Variants in PPP3CC observed in about 807,000 individuals in gnomAD.
PPP3CC encodes protein phosphatase 3 catalytic subunit gamma.
Under a neutral mutation model 60.3 loss-of-function variants are expected in PPP3CC, and 35 were observed. That is an observed-to-expected ratio of 0.58 (90% CI 0.44 to 0.77). The LOEUF is 0.77. Ranked by LOEUF, PPP3CC falls within the 30% of genes least tolerant of loss-of-function variation. The pLI is 0.00. For missense variants in PPP3CC, 570 were observed against 628.9 expected (o/e 0.91, Z 1.00); for synonymous variants, 206 against 224.3 (o/e 0.92, Z 0.73).
rs574068206 is a variant in PPP3CC, at chr8:22,511,559, C to T, written c.630+328C>T. Among the ~76,000 whole-genome samples the T allele has an allele frequency of 5.3e-5, 8 of 152,180 alleles. No individual in the cohort carries two copies. The East Asian group carries it at 5.8e-4, about 11-fold the overall frequency. ...TGCTGGGATTACAGGTGTGAGCCAC[C>T]GCACGCCTGGCCTAAAATTTGTTTC... On this transcript the variant is annotated intron_variant, in intron 5 of 13. Transcript: ENST00000240139.
At chr8:22,511,007 C>A in intron 4 of PPP3CC, 79 bp from the exon 5 acceptor site, 1 of 1,419,794 alleles carries the variant, frequency 7.0e-7, no homozygotes, top group Non-Finnish European at 9.7e-7. Context: ...AAAGTAGCTT[C>A]ATATTCTCCT....
Position 22,441,296 on chromosome 8 carries a change from G to T in PPP3CC, c.-114G>T. 9.4e-7 allele frequency: 1 copy of T among 1,066,268 alleles called. No individual in the cohort carries two copies. The highest frequency in any genetic ancestry group is 1.3e-6 in the Non-Finnish European group (1 of 779,552). 66.1% of individuals were successfully genotyped at this position (1,066,268 alleles called of 1,614,324 possible). A position where few individuals can be genotyped will look rare whatever the true frequency, so the allele number is the denominator to read the frequency against. On this transcript the variant is annotated 5_prime_UTR_variant, in exon 1 of 14. Coordinates refer to ENST00000240139, the MANE Select transcript of PPP3CC (RefSeq NM_005605.5). ...GGACACCGCTGAGGAGCCGGGGCCG[G>T]GCACGGCTGGCTGACGGCTCCGGGC...
chr8:22,472,391 C>CACACACAT (rs1401882217), intron 1 of PPP3CC, among the ~76,000 whole-genome samples: 1 of 150,782 alleles, frequency 6.6e-6, no homozygotes, highest in Non-Finnish European at 1.5e-5. Flanking sequence ...CACACACACA[C>CACACACAT]ACACACACAC....
Position 22,441,237 on chromosome 8 carries a change from C to A in PPP3CC, c.-173C>A. ...CTCGTCCTGTCAGTGGCGTCGGAGGCCGGCGCTGCGGTGGCCGCGCCCTTC... is the reference window on the plus strand; with the variant it reads ...CTCGTCCTGTCAGTGGCGTCGGAGGACGGCGCTGCGGTGGCCGCGCCCTTC... On this transcript the variant is annotated 5_prime_UTR_variant, in exon 1 of 14. Transcript: ENST00000240139. 1 of 520,214 alleles carries A rather than the reference C, an allele frequency of 1.9e-6. No individual in the cohort carries two copies. The highest frequency in any genetic ancestry group is 3.2e-6 in the Non-Finnish European group (1 of 313,180). The allele number at this position is 520,214 out of a possible 1,614,324, so 32.2% of individuals were successfully genotyped here. A position where few individuals can be genotyped will look rare whatever the true frequency, so the allele number is the denominator to read the frequency against.
chr8:22,447,696 G>A lies in PPP3CC; in HGVS notation c.49+6238G>A, dbSNP rs1325782761. On this transcript the variant is annotated intron_variant, in intron 1 of 13. Transcript: ENST00000240139. The stretch of plus-strand genomic sequence containing the variant: ...CTAAAACTTTCAACCTAACCTAAGT[G>A]GTATCTTTCTTAGTTACCCTTATAT... Among the ~76,000 whole-genome samples, 5 of 152,200 alleles carry A rather than the reference G, an allele frequency of 3.3e-5. No individual in the cohort carries two copies. The East Asian group carries it at 7.7e-4, about 24-fold the overall frequency.
intron 13 of PPP3CC, among the ~76,000 whole-genome samples, chr8:22,539,732 C>G (rs1425579578): frequency 6.6e-6 from 1 of 152,194 alleles, no homozygotes; most frequent in African/African-American, 2.4e-5. Context: ...GCTCTATCAG[C>G]TTTAATGCAA....
At chr8:22,447,629 AATGTTAAAAT>A (rs1250621061) in intron 1 of PPP3CC, among the ~76,000 whole-genome samples, 1 of 152,086 alleles carries the variant, frequency 6.6e-6, no homozygotes. Flanking sequence ...TTATAGTCTT[AATGTTAAAAT>A]TTAGCAGCAT....
chr8:22,521,705 ATAAAC>A (rs1181992109), intron 6 of PPP3CC, among the ~76,000 whole-genome samples: 2 of 152,228 alleles, frequency 1.3e-5, no homozygotes, highest in Non-Finnish European at 1.5e-5. Flanking sequence ...GATTTTAAAA[ATAAAC>A]TAAATAATTA....
chr8:22,536,195 C>T (rs1028005292), intron 12 of PPP3CC, among the ~76,000 whole-genome samples: 2 of 152,082 alleles, frequency 1.3e-5, no homozygotes, highest in South Asian at 2.1e-4. Context: ...AAACTATTTC[C>T]GATTGAATAT....
intron 1 of PPP3CC, among the ~76,000 whole-genome samples, chr8:22,459,396 T>G (rs1327677256): frequency 6.6e-6 from 1 of 152,212 alleles, no homozygotes; most frequent in Non-Finnish European, 1.5e-5. Flanking sequence ...ATCTTGTATG[T>G]AAGATTAGAG....
At chr8:22,480,687 C>T (rs895003854) in intron 3 of PPP3CC, among the ~76,000 whole-genome samples, 1 of 152,118 alleles carries the variant, frequency 6.6e-6, no homozygotes, top group African/African-American at 2.4e-5. Flanking sequence ...CCATATTGGC[C>T]AGGCTGGTCT....
chr8:22,507,333 T>C (rs1474732885), intron 4 of PPP3CC, among the ~76,000 whole-genome samples: 1 of 152,172 alleles, frequency 6.6e-6, no homozygotes, highest in African/African-American at 2.4e-5. Flanking sequence ...CATTTTCCCT[T>C]CACTATAGAA....
At position 22,496,485 on chromosome 8, in the gene PPP3CC, CTTTTTTTTTTTTTTT is replaced by C. The variant is rs71206523; in HGVS notation, c.373-1500_373-1486del. ...AAGTTAAATTAGGGAGAACTGTAATCTTTTTTTTTTTTTTTTTTTTTTTTTTTTTTGAGACAGAGT... is the reference window on the plus strand; with the variant it reads ...AAGTTAAATTAGGGAGAACTGTAATCTTTTTTTTTTTTTTTGAGACAGAGT... On this transcript the variant is annotated intron_variant, in intron 3 of 13. Coordinates refer to ENST00000240139, the MANE Select transcript of PPP3CC (RefSeq NM_005605.5). Among the ~76,000 whole-genome samples, 7 of 43,564 alleles carry C rather than the reference CTTTTTTTTTTTTTTT, an allele frequency of 1.6e-4. 1 individual carries two copies. Among genetic ancestry groups the C allele is most frequent in the African/African-American group, 1.8e-4 (2 of 10,872 alleles). The allele number at this position is 43,564 out of a possible 152,430, so 28.6% of individuals were successfully genotyped here.
chr8:22,468,483 A>T (rs989802967), intron 1 of PPP3CC, among the ~76,000 whole-genome samples: 1 of 152,164 alleles, frequency 6.6e-6, no homozygotes, highest in African/African-American at 2.4e-5. Context: ...TGCTTTTCAT[A>T]AATAGTTTAT....
At chr8:22,458,585 G>C (rs1329775364) in intron 1 of PPP3CC, among the ~76,000 whole-genome samples, 7 of 150,798 alleles carry the variant, frequency 4.6e-5, no homozygotes, top group African/African-American at 1.7e-4. Context: ...GCAACAGAGC[G>C]AGACACCGTC....
chr8:22,516,480 A>G (rs746687994), intron 6 of PPP3CC, among the ~76,000 whole-genome samples: 8 of 152,192 alleles, frequency 5.3e-5, no homozygotes, highest in African/African-American at 2.4e-5. Context: ...TATATAATTG[A>G]TTCTCATTAC....
intron 3 of PPP3CC, among the ~76,000 whole-genome samples, chr8:22,478,011 T>C (rs1221003777): frequency 6.6e-6 from 1 of 152,040 alleles, no homozygotes; most frequent in Non-Finnish European, 1.5e-5. Context: ...CCACCACGTC[T>C]GGCTAATTTT....
intron 3 of PPP3CC, among the ~76,000 whole-genome samples, chr8:22,479,968 C>T (rs1441466155): frequency 2.6e-5 from 4 of 152,002 alleles, no homozygotes; most frequent in Non-Finnish European, 2.9e-5. Context: ...GCTTGATCTC[C>T]GTTAATAGTT....
Position 22,513,327 on chromosome 8 carries a change from C to T in PPP3CC, c.665C>T (p.Pro222Leu). 1.9e-6 allele frequency: 3 copies of T among 1,613,320 alleles called. No individual in the cohort carries two copies. The highest frequency in any genetic ancestry group is 2.5e-6 in the Non-Finnish European group (3 of 1,179,674). Reference sequence around the variant, plus strand: ...TTTACGGAACCTCCCGCCTTTGGACCTGTGTGTGACCTGCTTTGGTCTGAT... The same window carrying T: ...TTTACGGAACCTCCCGCCTTTGGACTTGTGTGTGACCTGCTTTGGTCTGAT... Reference protein sequence around the residue: ...DRFTEPPAFGPVCDLLWSDPS... With the variant: ...DRFTEPPAFGLVCDLLWSDPS... Residue 222 changes from proline (P) to leucine (L), a missense_variant, in exon 6 of 14, where the codon CCT becomes CTT. Pro to Leu is a moderately conservative substitution (Grantham distance 98, BLOSUM62 -3). Coordinates refer to ENST00000240139, the MANE Select transcript of PPP3CC (RefSeq NM_005605.5).
Sources: gnomAD v4.1 joint callset for allele counts (sites outside exome capture counted in the v4.1 genomes callset) on GRCh38, gnomAD v4.1.1 for gene constraint, MANE v1.5 for transcripts, NCBI Gene and HGNC (gene_info 2026-07-23, HGNC 2026-07-21) for gene names.